CSMD3: variants seen among roughly 807,000 people sequenced by gnomAD.
CSMD3 encodes the protein CUB and Sushi multiple domains 3.
Under a neutral mutation model 435.2 loss-of-function variants are expected in CSMD3, and 177 were observed. The observed-to-expected ratio is 0.41, with a 90% CI of 0.36 to 0.46. The LOEUF (loss-of-function observed/expected upper bound fraction) is 0.46, where lower values mean the gene tolerates loss of function less well. Among genes scored for constraint, CSMD3 ranks in the 20% least tolerant of loss-of-function variants. The pLI is 0.34. For missense variants in CSMD3, 4,265 were observed against 4,504.6 expected (o/e 0.95, Z 1.52); for synonymous variants, 1,656 against 1,520.5 (o/e 1.09, Z -2.07).
chr8:112,771,715 G>A, intron 13 of CSMD3, among the ~76,000 whole-genome samples: 1 of 151,792 alleles, frequency 6.6e-6, no homozygotes, highest in Non-Finnish European at 1.5e-5. Flanking sequence ...AAAGAAACAA[G>A]AAGGAAACAA....
chr8:112,846,066 A>G (rs2080308816), intron 11 of CSMD3, among the ~76,000 whole-genome samples: 1 of 151,986 alleles, frequency 6.6e-6, no homozygotes, highest in Non-Finnish European at 1.5e-5. Flanking sequence ...CCTTTCTTTT[A>G]CTTAATTTAT....
chr8:113,275,780 G>T (rs762569762), intron 3 of CSMD3, among the ~76,000 whole-genome samples: 3 of 151,922 alleles, frequency 2.0e-5, no homozygotes, highest in Admixed American at 6.6e-5. Flanking sequence ...CAGGAAAATC[G>T]CTAGAAGCCT....
chr8:112,264,060 C>G (rs1816701189), intron 60 of CSMD3, among the ~76,000 whole-genome samples: 1 of 152,052 alleles, frequency 6.6e-6, no homozygotes, highest in African/African-American at 2.4e-5. Context: ...AAATAGCAAG[C>G]TGCCTGACAT....
At chr8:113,092,189 T>A (rs1414769981) in intron 5 of CSMD3, among the ~76,000 whole-genome samples, 1 of 152,098 alleles carries the variant, frequency 6.6e-6, no homozygotes, top group Non-Finnish European at 1.5e-5. Flanking sequence ...ACTTTCTTCA[T>A]CTGTCTCACT....
chr8:112,355,583 C>T (rs1826516924), intron 38 of CSMD3, among the ~76,000 whole-genome samples: 1 of 152,138 alleles, frequency 6.6e-6, no homozygotes, highest in Admixed American at 6.6e-5. Flanking sequence ...CCTGTAATCC[C>T]AGAACTTTGG....
intron 4 of CSMD3, among the ~76,000 whole-genome samples, chr8:113,168,182 A>G (rs1185875393): frequency 1.3e-5 from 2 of 152,058 alleles, no homozygotes; most frequent in Non-Finnish European, 2.9e-5. Context: ...TGGGTTTAAG[A>G]AAAAAGGAGA....
chr8:112,525,638 G>T (rs192221473), intron 27 of CSMD3, among the ~76,000 whole-genome samples: 2 of 148,660 alleles, frequency 1.3e-5, no homozygotes, highest in Non-Finnish European at 3.0e-5. Flanking sequence ...GGAGAATGGC[G>T]TGAACCCAGG....
intron 32 of CSMD3, among the ~76,000 whole-genome samples, chr8:112,422,701 A>G (rs1372121379): frequency 6.6e-6 from 1 of 152,088 alleles, no homozygotes; most frequent in Non-Finnish European, 1.5e-5. Context: ...TCACATGTAC[A>G]CTCCCAACAA....
At chr8:113,253,927 T>C (rs934040217) in intron 3 of CSMD3, among the ~76,000 whole-genome samples, 10 of 152,166 alleles carry the variant, frequency 6.6e-5, no homozygotes, top group Admixed American at 5.9e-4. Flanking sequence ...TCCTAACATG[T>C]AGTTACAAGA....
intron 22 of CSMD3, among the ~76,000 whole-genome samples, chr8:112,617,780 T>G (rs1833771640): frequency 6.6e-6 from 1 of 152,110 alleles, no homozygotes; most frequent in Admixed American, 6.6e-5. Flanking sequence ...ATTCCAAGCT[T>G]TCAGAATAAT....
intron 22 of CSMD3, among the ~76,000 whole-genome samples, chr8:112,605,361 G>C (rs1266666552): frequency 6.6e-6 from 1 of 152,024 alleles, no homozygotes; most frequent in Non-Finnish European, 1.5e-5. Context: ...AAATAGTAAA[G>C]ACATGGAATC....
chr8:112,299,791 T>G (rs1025363843), intron 53 of CSMD3, among the ~76,000 whole-genome samples: 1 of 152,032 alleles, frequency 6.6e-6, no homozygotes, highest in African/African-American at 2.4e-5. Flanking sequence ...GTAACTGTAC[T>G]TTCCTCCTAC....
At chr8:113,118,410 C>T (rs1180855564) in intron 4 of CSMD3, among the ~76,000 whole-genome samples, 2 of 152,138 alleles carry the variant, frequency 1.3e-5, no homozygotes, top group East Asian at 3.9e-4. Context: ...AGTGACTGCT[C>T]TAGAATCAGA....
chr8:113,251,418 C>T (rs1563606726), intron 3 of CSMD3, among the ~76,000 whole-genome samples: 1 of 151,972 alleles, frequency 6.6e-6, no homozygotes, highest in Admixed American at 6.6e-5. Context: ...TGATGAGACA[C>T]AGAGATTTTT....
intron 38 of CSMD3, among the ~76,000 whole-genome samples, chr8:112,361,690 A>C (rs1827256071): frequency 6.7e-6 from 1 of 148,196 alleles, no homozygotes; most frequent in Admixed American, 6.8e-5. Flanking sequence ...GGAGGGGAAA[A>C]TGTTTAATTA....
intron 1 of CSMD3, among the ~76,000 whole-genome samples, chr8:113,391,028 G>A (rs944752630): frequency 7.9e-5 from 12 of 151,922 alleles, no homozygotes; most frequent in African/African-American, 2.4e-4. Context: ...ATCAGAAGTC[G>A]ACAAGGCACT....
chr8:112,876,391 CA>C (rs2081282898), intron 10 of CSMD3, among the ~76,000 whole-genome samples: 1 of 151,972 alleles, frequency 6.6e-6, no homozygotes, highest in East Asian at 1.9e-4. Context: ...AAGAACATTT[CA>C]GGCCAATATC....
In CSMD3 at chr8:113,195,145, ATTTT is replaced by A. The variant is rs573044014; in HGVS notation, c.515-21233_515-21230del. On this transcript the variant is annotated intron_variant, in intron 3 of 70. Transcript: ENST00000297405. ...ATCTGCAAAAGCAAGTGATTGAGCTATTTTTTTCCTTTCTTTCTTACAAAAAACA... is the reference window on the plus strand; with the variant it reads ...ATCTGCAAAAGCAAGTGATTGAGCTATTTCCTTTCTTTCTTACAAAAAACA... Among the ~76,000 whole-genome samples the A allele has an allele frequency of 1.1e-4, 16 of 147,820 alleles. No individual in the cohort carries two copies. In the East Asian group the frequency reaches 3.0e-3, roughly 28 times the overall value.
chr8:112,473,091 T>A (rs1818689714), intron 31 of CSMD3, among the ~76,000 whole-genome samples: 1 of 152,214 alleles, frequency 6.6e-6, no homozygotes, highest in African/African-American at 2.4e-5. Flanking sequence ...CTACTCAGAT[T>A]CAACACTGAT....
Sources: gnomAD v4.1 joint callset for allele counts (sites outside exome capture counted in the v4.1 genomes callset) on GRCh38, gnomAD v4.1.1 for gene constraint, MANE v1.5 for transcripts, NCBI Gene and HGNC (gene_info 2026-07-23, HGNC 2026-07-21) for gene names.